The following PPFIA4 variants were observed in gnomAD, a reference collection of about 807,000 sequenced individuals.
PPFIA4 encodes liprin-alpha-4.
PPFIA4 carries 98 observed loss-of-function variants against 145.7 expected under a neutral mutation model. The ratio of observed to expected loss-of-function variants is 0.67; its 90% CI spans 0.57 to 0.80. PPFIA4 has a LOEUF of 0.80. PPFIA4 is among the 30% of genes least tolerant of loss of function. The probability of loss-of-function intolerance (pLI) is 0.00; values close to 1 mark genes in which losing one functional copy is unlikely to be tolerated. For synonymous variants in PPFIA4, 628 were observed against 649.6 expected, an observed-to-expected ratio of 0.97 and a Z score of 0.51; for missense variants, 1,457 against 1,632.7, an observed-to-expected ratio of 0.89 and a Z score of 1.85.
In PPFIA4 at chr1:203,068,715, G is replaced by C. The variant is rs984178043; in HGVS notation, c.3324+87G>C. Reference sequence around the variant, plus strand: ...CTTTCCCTCATACACAAAGGCTTAGGTATCTTGGGGGGTGGGGAGCTTTTC... The same window carrying C: ...CTTTCCCTCATACACAAAGGCTTAGCTATCTTGGGGGGTGGGGAGCTTTTC... On this transcript the variant is annotated intron_variant, in intron 27 of 29. Transcript: ENST00000295706. This position sits in a 1 kb window ranked among gnomAD's most constrained non-coding sequence, Gnocchi z 4.7. 1 of 1,326,782 alleles carries C rather than the reference G, an allele frequency of 7.5e-7. No homozygotes were observed. Among genetic ancestry groups the C allele is most frequent in the Non-Finnish European group, 9.9e-7 (1 of 1,012,530 alleles). The allele number at this position is 1,326,782 out of a possible 1,614,324, so 82.2% of individuals were successfully genotyped here.
At position 203,048,110 on chromosome 1, in the gene PPFIA4, A is replaced by G; in HGVS notation, c.1141-117A>G. The G allele has an allele frequency of 1.2e-6, 1 of 844,074 alleles. No homozygotes were observed. Among genetic ancestry groups the G allele is most frequent in the Middle Eastern group, 2.4e-4 (1 of 4,164 alleles). 52.3% of individuals were successfully genotyped at this position (844,074 alleles called of 1,614,324 possible). A position where few individuals can be genotyped will look rare whatever the true frequency, so the allele number is the denominator to read the frequency against. On this transcript the variant is annotated intron_variant, in intron 9 of 29. Coordinates refer to ENST00000295706, the MANE Select transcript of PPFIA4 (RefSeq NM_001304331.2). The surrounding 1 kb of genome is among the most constrained non-coding windows in gnomAD (Gnocchi z 5.8). ...AGATGATAAGTGGAGGCTGAGCGTCACTGGTACTGGGGGCCATGATCCCCA... is the reference window on the plus strand; with the variant it reads ...AGATGATAAGTGGAGGCTGAGCGTCGCTGGTACTGGGGGCCATGATCCCCA...
intron 28 of PPFIA4, among the ~76,000 whole-genome samples, chr1:203,074,392 A>G (rs1662374790): frequency 6.6e-6 from 1 of 152,182 alleles, no homozygotes. Flanking sequence ...AAGGGACAGT[A>G]AAAGTATTAT....
chr1:203,030,053 A>C (rs1043799761), intron 1 of PPFIA4, among the ~76,000 whole-genome samples: 1 of 152,196 alleles, frequency 6.6e-6, no homozygotes, highest in Non-Finnish European at 1.5e-5. Context: ...CTTCATGGCC[A>C]CTGTCTTCAG....
chr1:203,056,362 A>G lies in PPFIA4; in HGVS notation c.2107-13A>G. The G allele has an allele frequency of 1.9e-6, 3 of 1,613,124 alleles. No homozygotes were observed. The highest frequency in any genetic ancestry group is 2.5e-6 in the Non-Finnish European group (3 of 1,179,484). Reference sequence around the variant, plus strand: ...TCTCCCTCTATCCCCTGACGGCTCCACTGTCTGTTCAGTCGCCAGTGTCTC... The same window carrying G: ...TCTCCCTCTATCCCCTGACGGCTCCGCTGTCTGTTCAGTCGCCAGTGTCTC... On this transcript the variant is annotated splice_polypyrimidine_tract_variant and intron_variant, in intron 17 of 29. Coordinates refer to ENST00000295706, the MANE Select transcript of PPFIA4 (RefSeq NM_001304331.2).
rs766599615 is a variant in PPFIA4, at chr1:203,049,743, C to T, written c.1487C>T (p.Pro496Leu). ...GACCAGCTGAAGGGCCGAGGGGGGCCGTTTGTGGATGGCGTCCACTCCAGG... is the reference window on the plus strand; with the variant it reads ...GACCAGCTGAAGGGCCGAGGGGGGCTGTTTGTGGATGGCGTCCACTCCAGG... ...EVDQLKGRGG[P>L]FVDGVHSRSH... The change falls in exon 13 of 30, where the codon CCG (proline) becomes CTG (leucine). Residue 496 changes from proline (P) to leucine (L), a missense_variant. This residue lies in a region of PPFIA4 where 848 missense variants were observed against 1,046.7 expected (regional missense o/e 0.81). Coordinates refer to ENST00000295706, the MANE Select transcript of PPFIA4 (RefSeq NM_001304331.2). 1.2e-5 allele frequency: 19 copies of T among 1,589,496 alleles called. No individual in the cohort carries two copies. Among genetic ancestry groups the T allele is most frequent in the Non-Finnish European group, 1.5e-5 (18 of 1,167,516 alleles).
chr1:203,056,313 G>A, intron 17 of PPFIA4, 62 bp from the exon 18 acceptor site: 2 of 1,602,048 alleles, frequency 1.2e-6, no homozygotes, highest in Non-Finnish European at 1.7e-6. Context: ...ACCTCTTCTG[G>A]GCTGGGTAGG....
At chr1:203,071,448 CT>C (rs1662155920) in intron 27 of PPFIA4, among the ~76,000 whole-genome samples, 1 of 68,974 alleles carries the variant, frequency 1.4e-5, no homozygotes, top group South Asian at 3.9e-4. Context: ...CCGGCCACTA[CT>C]TTAAAAAAAA....
chr1:203,051,870 C>T lies in PPFIA4; in HGVS notation c.1613C>T (p.Ser538Phe), dbSNP rs2102650350. 1 of 1,613,328 alleles carries T rather than the reference C, an allele frequency of 6.2e-7. No individual in the cohort carries two copies. Among genetic ancestry groups the T allele is most frequent in the Non-Finnish European group, 8.5e-7 (1 of 1,179,602 alleles). Residue 538 changes from serine (S) to phenylalanine (F), a missense_variant, in exon 14 of 30, where the codon TCT becomes TTT. By Grantham distance (155) the Ser-to-Phe change is radical. Coordinates refer to ENST00000295706, the MANE Select transcript of PPFIA4 (RefSeq NM_001304331.2). The stretch of plus-strand genomic sequence containing the variant: ...CGCTACTCGGCATTGAGGGAAGAGT[C>T]TGCCAAGGTGAGGGGGTGGAGGGAT... ...HRRYSALREE[S>F]AKDWETSPLP...
chr1:203,058,142 G>C (rs1230184819), intron 19 of PPFIA4, among the ~76,000 whole-genome samples: 7 of 152,276 alleles, frequency 4.6e-5, no homozygotes, highest in South Asian at 2.1e-4. Flanking sequence ...GGACCCAAAT[G>C]CATAATTAGA....
chr1:203,048,665 A>G lies in PPFIA4; in HGVS notation c.1307A>G (p.Glu436Gly). 1 of 1,608,730 alleles carries G rather than the reference A, an allele frequency of 6.2e-7. No individual in the cohort carries two copies. The change falls in exon 11 of 30, where the codon GAG (glutamate) becomes GGG (glycine). Residue 436 changes from glutamate to glycine, a missense_variant. Glu to Gly is a moderately conservative substitution (Grantham distance 98). Around this residue, in one of 3 missense-constraint regions of PPFIA4, gnomAD observed 848 missense variants for 1,046.7 expected, o/e 0.81. Transcript: ENST00000295706. This position sits in a 1 kb window ranked among gnomAD's most constrained non-coding sequence, Gnocchi z 5.8. ...GACCGGCTGCTCAGCGAGTCCAACG[A>G]GCGTCTGCAGCTCCACCTGAAGGAG... ...TVDRLLSESN[E>G]RLQLHLKERM...
At chr1:203,072,327 G>GAAA (rs1163524447) in intron 28 of PPFIA4, among the ~76,000 whole-genome samples, 73 of 152,212 alleles carry the variant, frequency 4.8e-4, no homozygotes, top group African/African-American at 1.7e-3. Context: ...TTCACCCTTG[G>GAAA]GTCTACCTTC....
Position 203,060,510 on chromosome 1 carries a change from T to G in PPFIA4, c.2784+93T>G, listed in dbSNP as rs750040993. 3.0e-6 allele frequency: 4 copies of G among 1,318,666 alleles called. No homozygotes were observed. The highest frequency in any genetic ancestry group is 4.3e-6 in the Non-Finnish European group (4 of 935,766). 81.7% of individuals were successfully genotyped at this position (1,318,666 alleles called of 1,614,324 possible). On this transcript the variant is annotated intron_variant, in intron 22 of 29. Coordinates refer to ENST00000295706, the MANE Select transcript of PPFIA4 (RefSeq NM_001304331.2). The surrounding 1 kb of genome is among the most constrained non-coding windows in gnomAD (Gnocchi z 4.8). Reference sequence around the variant, plus strand: ...TTGGGCTTTGGGAAGATGGCAGCATTGAGCCCTGCCCCTTCCTTCCCATCC... The same window carrying G: ...TTGGGCTTTGGGAAGATGGCAGCATGGAGCCCTGCCCCTTCCTTCCCATCC...
intron 23 of PPFIA4, 98 bp downstream of exon 23, chr1:203,061,130 C>T (rs974130668): frequency 2.6e-6 from 3 of 1,149,480 alleles, no homozygotes; most frequent in African/African-American, 3.0e-5. Flanking sequence ...AGTGGGCTGC[C>T]ATCGATCTCA....
Position 203,055,213 on chromosome 1 carries a change from C to T in PPFIA4, c.1830-219C>T, listed in dbSNP as rs1046591830. Among the ~76,000 whole-genome samples the T allele has an allele frequency of 1.3e-5, 2 of 152,212 alleles. No individual in the cohort carries two copies. The highest frequency in any genetic ancestry group is 4.8e-5 in the African/African-American group (2 of 41,450). On this transcript the variant is annotated intron_variant, in intron 15 of 29. Coordinates refer to ENST00000295706, the MANE Select transcript of PPFIA4 (RefSeq NM_001304331.2). The surrounding 1 kb of genome is among the most constrained non-coding windows in gnomAD (Gnocchi z 4.8). ...TTCAGGATGGTTTATGTTCCACTGA[C>T]GAAAGTGCCTCCTTCCCCAGCAGCT...
At chr1:203,035,766 CTG>C in intron 1 of PPFIA4, 3 of 421,986 alleles carry the variant, frequency 7.1e-6, no homozygotes, top group South Asian at 5.1e-5. Context: ...CCCCACGTGG[CTG>C]TCCTGGGGCT....
Position 203,063,991 on chromosome 1 carries a change from A to G in PPFIA4, c.3038A>G (p.Asp1013Gly), listed in dbSNP as rs1189313426. ...CTGCGGGTCCACCTGAAGATGGTGGACAGCTTCCATCGGTGAGCGCGGCTG... is the reference window on the plus strand; with the variant it reads ...CTGCGGGTCCACCTGAAGATGGTGGGCAGCTTCCATCGGTGAGCGCGGCTG... Reference protein sequence around the residue: ...KDLRVHLKMVDSFHRTSLQYG... With the variant: ...KDLRVHLKMVGSFHRTSLQYG... The change falls in exon 25 of 30, where the codon GAC (aspartate) becomes GGC (glycine). Residue 1013 changes from aspartate (D) to glycine (G), a missense_variant. Coordinates refer to ENST00000295706, the MANE Select transcript of PPFIA4 (RefSeq NM_001304331.2). 1 of 1,613,252 alleles carries G rather than the reference A, an allele frequency of 6.2e-7. No homozygotes were observed. The highest frequency in any genetic ancestry group is 8.5e-7 in the Non-Finnish European group (1 of 1,179,782).
chr1:203,076,710 A>T lies in PPFIA4; in HGVS notation c.*320A>T, dbSNP rs766509953. On this transcript the variant is annotated 3_prime_UTR_variant, in exon 30 of 30. Transcript: ENST00000295706. ...TGTGAAGCCACCCTTCCTCTTCTGGACCCAGCCTGGTCTGCACTGCAACCT... is the reference window on the plus strand; with the variant it reads ...TGTGAAGCCACCCTTCCTCTTCTGGTCCCAGCCTGGTCTGCACTGCAACCT... 1.2e-5 allele frequency: 5 copies of T among 424,990 alleles called. No individual in the cohort carries two copies. The highest frequency in any genetic ancestry group is 4.0e-5 in the African/African-American group (2 of 49,698). 26.3% of individuals were successfully genotyped at this position (424,990 alleles called of 1,614,324 possible).
chr1:203,055,640 C>T lies in PPFIA4; in HGVS notation c.2038C>T (p.Gln680Ter), dbSNP rs1173369131. Reference protein sequence around the residue: ...TPKLTSRSAAQDLDRMGVMTL... With the variant: ...TPKLTSRSAA ...TAAGCTCACCTCCCGCAGTGCTGCC[C>T]AGGACCTGGACCGAATGGGGGTCAT... Residue 680 changes from glutamine to a stop codon, truncating the protein, a stop_gained, in exon 16 of 30, where the codon CAG becomes TAG. Transcript: ENST00000295706. LOFTEE classifies it high-confidence loss of function. This position sits in a 1 kb window ranked among gnomAD's most constrained non-coding sequence, Gnocchi z 4.8. The T allele has an allele frequency of 6.2e-7, 1 of 1,613,906 alleles. No homozygotes were observed. The highest frequency in any genetic ancestry group is 1.3e-5 in the African/African-American group (1 of 74,932).
At chr1:203,052,486 A>C (rs183276449) in intron 14 of PPFIA4, among the ~76,000 whole-genome samples, 334 of 152,276 alleles carry the variant, frequency 2.2e-3, no homozygotes, top group African/African-American at 7.8e-3. Context: ...CTGGGGTATT[A>C]GAAGATATAG....
Sources: gnomAD v4.1 joint callset for allele counts (sites outside exome capture counted in the v4.1 genomes callset) on GRCh38, gnomAD v4.1.1 for gene constraint, gnomAD v4.1.1 regional missense constraint, Gnocchi (gnomAD v3.1) non-coding constraint, MANE v1.5 for transcripts, NCBI Gene and HGNC (gene_info 2026-07-23, HGNC 2026-07-21) for gene names.